The following PPARGC1B variants were observed in gnomAD, a reference collection of about 807,000 sequenced individuals.
PPARGC1B encodes PPARG coactivator 1 beta.
In PPARGC1B, 34 loss-of-function variants were observed where a neutral mutation model predicts 101.6. That is an observed-to-expected ratio of 0.33 (90% confidence interval 0.25 to 0.45). The LOEUF is 0.45. Among genes scored for constraint, PPARGC1B ranks in the 20% least tolerant of loss-of-function variants. PPARGC1B has a pLI of 1.00. For synonymous variants in PPARGC1B, 548 were observed against 539.3 expected (o/e 1.02, Z -0.22); for missense variants, 1,234 against 1,317.6 (o/e 0.94, Z 0.98).
intron 1 of PPARGC1B, among the ~76,000 whole-genome samples, chr5:149,803,921 C>T (rs1757511858): frequency 6.6e-6 from 1 of 152,222 alleles, no homozygotes; most frequent in African/African-American, 2.4e-5. Flanking sequence ...CAGCAGGCCT[C>T]CTTGGCTTCC....
intron 1 of PPARGC1B, among the ~76,000 whole-genome samples, chr5:149,747,600 G>A (rs1450931536): frequency 2.6e-5 from 4 of 152,184 alleles, no homozygotes; most frequent in Admixed American, 2.6e-4. Flanking sequence ...TCTCCTTGGG[G>A]TTGGGCAACA....
chr5:149,777,335 C>T (rs1320730489), intron 1 of PPARGC1B, among the ~76,000 whole-genome samples: 4 of 152,176 alleles, frequency 2.6e-5, no homozygotes, highest in East Asian at 1.9e-4. Flanking sequence ...ACACATGCCA[C>T]GGTTGCTGAG....
intron 1 of PPARGC1B, among the ~76,000 whole-genome samples, chr5:149,757,348 A>AT (rs34114070): frequency 3.8e-4 from 56 of 148,778 alleles, no homozygotes; most frequent in South Asian, 1.5e-3. Flanking sequence ...GTGTTTGAGC[A>AT]TTTTTTTTTT....
intron 7 of PPARGC1B, 126 bp downstream of exon 7, chr5:149,835,491 C>T: frequency 1.2e-6 from 1 of 820,590 alleles, no homozygotes; most frequent in South Asian, 1.6e-5. Context: ...CTTCACGGGG[C>T]TTATGTTATA....
intron 1 of PPARGC1B, among the ~76,000 whole-genome samples, chr5:149,792,768 TTCAG>T (rs1237480049): frequency 6.6e-6 from 1 of 151,004 alleles, no homozygotes; most frequent in Non-Finnish European, 1.5e-5. Context: ...CATTCATTCA[TTCAG>T]TCAGTCTGCA....
chr5:149,814,516 G>A (rs570350047), intron 1 of PPARGC1B, among the ~76,000 whole-genome samples: 9 of 152,252 alleles, frequency 5.9e-5, no homozygotes, highest in Admixed American at 2.0e-4. Context: ...AATGAAGGAC[G>A]CATAGTGAGT....
intron 1 of PPARGC1B, among the ~76,000 whole-genome samples, chr5:149,782,604 A>G (rs1412737899): frequency 6.6e-6 from 1 of 152,224 alleles, no homozygotes; most frequent in African/African-American, 2.4e-5. Flanking sequence ...GCTGAGCTGG[A>G]TATCTGGGCC....
At chr5:149,736,819 A>G (rs1002538194) in intron 1 of PPARGC1B, among the ~76,000 whole-genome samples, 2 of 152,250 alleles carry the variant, frequency 1.3e-5, no homozygotes, top group East Asian at 1.9e-4. Flanking sequence ...AAAGGAAGGT[A>G]CAGAGATTTG....
intron 1 of PPARGC1B, among the ~76,000 whole-genome samples, chr5:149,746,594 CA>C: frequency 6.6e-6 from 1 of 152,304 alleles, no homozygotes; most frequent in South Asian, 2.1e-4. Flanking sequence ...ACCCTGACTT[CA>C]ACCCATTTGG....
intron 1 of PPARGC1B, among the ~76,000 whole-genome samples, chr5:149,814,427 G>A (rs556166353): frequency 1.3e-5 from 2 of 152,312 alleles, no homozygotes; most frequent in Non-Finnish European, 2.9e-5. Flanking sequence ...CTTGAGCAGG[G>A]TGTTCTCCAG....
chr5:149,773,658 G>T lies in PPARGC1B; in HGVS notation c.78+43238G>T, dbSNP rs115992546. 1.5e-3 allele frequency among the ~76,000 whole-genome samples: 232 copies of T among 152,356 alleles called. 1 individual carries two copies. The highest frequency in any genetic ancestry group is 0.014 in the Middle Eastern group (4 of 294). On this transcript the variant is annotated intron_variant, in intron 1 of 11. Transcript: ENST00000309241. ...GTGTGTAGTTACGCACTGAGAATGT[G>T]AGGAGGCTAACAGACACGGTGATGG...
chr5:149,769,341 C>A (rs1251674730), intron 1 of PPARGC1B, among the ~76,000 whole-genome samples: 1 of 152,156 alleles, frequency 6.6e-6, no homozygotes, highest in African/African-American at 2.4e-5. Flanking sequence ...CGGTTCGTGG[C>A]CTGAAGGCTG....
At chr5:149,842,818 C>T (rs970607651) in intron 10 of PPARGC1B, among the ~76,000 whole-genome samples, 2 of 152,236 alleles carry the variant, frequency 1.3e-5, no homozygotes, top group Non-Finnish European at 2.9e-5. Flanking sequence ...TGGGACTCCA[C>T]TCTACCTCAG....
intron 1 of PPARGC1B, among the ~76,000 whole-genome samples, chr5:149,815,004 C>A (rs1260080177): frequency 6.6e-6 from 1 of 152,238 alleles, no homozygotes; most frequent in African/African-American, 2.4e-5. Context: ...CCATTCCCAA[C>A]CCTTGCCTGA....
chr5:149,764,136 A>G lies in PPARGC1B; in HGVS notation c.78+33716A>G, dbSNP rs559743857. Among the ~76,000 whole-genome samples the G allele has an allele frequency of 5.7e-4, 86 of 151,882 alleles. 1 individual carries two copies. Among genetic ancestry groups the G allele is most frequent in the South Asian group, 4.8e-3 (23 of 4,776 alleles). On this transcript the variant is annotated intron_variant, in intron 1 of 11. Transcript: ENST00000309241. ...GCACAAGCCCAGAGTAAGAACTTCT[A>G]TTTGAGTCCTTCTGCATTCTTTATA...
chr5:149,759,290 C>T (rs191774663), intron 1 of PPARGC1B, among the ~76,000 whole-genome samples: 1 of 152,140 alleles, frequency 6.6e-6, no homozygotes, highest in Non-Finnish European at 1.5e-5. Flanking sequence ...TTGTGGTTTG[C>T]ACTTCTCTCT....
rs185728574 is a variant in PPARGC1B, at chr5:149,732,709, G to C, written c.78+2289G>C. 3.6e-4 allele frequency: 159 copies of C among 440,666 alleles called. 3 individuals are homozygous for C. In the East Asian group the frequency reaches 0.011, roughly 32 times the overall value. The allele number at this position is 440,666 out of a possible 1,614,324, so 27.3% of individuals were successfully genotyped here. Reference sequence around the variant, plus strand: ...CTAGAAGGCTCGGAGAGCCCAGCCGGAAGAGGACCTGGGCGGGCCCAGTGT... The same window carrying C: ...CTAGAAGGCTCGGAGAGCCCAGCCGCAAGAGGACCTGGGCGGGCCCAGTGT... On this transcript the variant is annotated intron_variant, in intron 1 of 11. Transcript: ENST00000309241.
intron 1 of PPARGC1B, chr5:149,772,090 T>C (rs1301493405): frequency 6.3e-7 from 1 of 1,579,822 alleles, no homozygotes; most frequent in Non-Finnish European, 8.6e-7. Flanking sequence ...TGCTCTGATC[T>C]GGGTTGGGGC....
At chr5:149,744,043 A>G (rs938245588) in intron 1 of PPARGC1B, among the ~76,000 whole-genome samples, 8 of 152,178 alleles carry the variant, frequency 5.3e-5, no homozygotes, top group African/African-American at 1.7e-4. Context: ...TACTCCAGAG[A>G]GACTAGGCAG....
Sources: allele counts gnomAD v4.1 joint callset (sites outside exome capture counted in the v4.1 genomes callset), GRCh38; gene constraint gnomAD v4.1.1; transcripts MANE v1.5; gene names NCBI Gene and HGNC (gene_info 2026-07-23, HGNC 2026-07-21).